Variants in ROBO2 observed in about 807,000 individuals in gnomAD.
ROBO2 encodes roundabout guidance receptor 2, also known as roundabout homolog 2.
In ROBO2, 53 loss-of-function variants were observed where a neutral mutation model predicts 160.8. The ratio of observed to expected loss-of-function variants is 0.33; its 90% CI spans 0.26 to 0.41. ROBO2 has a LOEUF of 0.41. Ranked by LOEUF, ROBO2 falls within the 10% of genes least tolerant of loss-of-function variation. The pLI is 1.00. For missense variants in ROBO2, 1,577 were observed against 1,722.4 expected, an observed-to-expected ratio of 0.92 and a Z score of 1.49; for synonymous variants, 664 against 611.7, an observed-to-expected ratio of 1.09 and a Z score of -1.26.
At chr3:76,600,878 C>T (rs2108941272) in intron 2 of ROBO2, among the ~76,000 whole-genome samples, 1 of 152,284 alleles carries the variant, frequency 6.6e-6, no homozygotes, top group African/African-American at 2.4e-5. Flanking sequence ...AAAGTCTCAT[C>T]TGAAACAAGG....
chr3:77,245,112 C>G (rs2089573353), intron 2 of ROBO2, among the ~76,000 whole-genome samples: 1 of 152,064 alleles, frequency 6.6e-6, no homozygotes, highest in Non-Finnish European at 1.5e-5. Flanking sequence ...AGTTGGGTGT[C>G]TCATTGGAAT....
rs540209638 is a variant in ROBO2 at position 76,344,802 on chromosome 3, T to A, written c.109+407200T>A. Among the ~76,000 whole-genome samples the A allele has an allele frequency of 2.0e-5, 3 of 152,290 alleles. No individual in the cohort carries two copies. The South Asian group carries it at 6.2e-4, about 32-fold the overall frequency. Reference sequence around the variant, plus strand: ...GAAAAACCAGAGTAAAGTCAAGAATTTGGGAAATATCTAGATGTGATAATA... The same window carrying A: ...GAAAAACCAGAGTAAAGTCAAGAATATGGGAAATATCTAGATGTGATAATA... On this transcript the variant is annotated intron_variant, in intron 2 of 26. Transcript: ENST00000487694.
At chr3:76,579,802 A>G (rs2085539399) in intron 2 of ROBO2, among the ~76,000 whole-genome samples, 2 of 151,254 alleles carry the variant, frequency 1.3e-5, no homozygotes, top group South Asian at 2.1e-4. Context: ...AAAAAAAAAA[A>G]AAGAAAGAAA....
intron 2 of ROBO2, among the ~76,000 whole-genome samples, chr3:76,180,513 CT>C (rs1315966089): frequency 2.6e-5 from 4 of 152,168 alleles, no homozygotes; most frequent in South Asian, 4.1e-4. Context: ...CAAGTAGAAA[CT>C]TTGGTATCTT....
At chr3:76,898,651 A>C (rs2074997111) in intron 2 of ROBO2, among the ~76,000 whole-genome samples, 1 of 152,088 alleles carries the variant, frequency 6.6e-6, no homozygotes, top group Non-Finnish European at 1.5e-5. Flanking sequence ...ACCGACCCCC[A>C]TAAATTCATT....
At chr3:77,248,353 G>C (rs1409353370) in intron 2 of ROBO2, among the ~76,000 whole-genome samples, 1 of 151,970 alleles carries the variant, frequency 6.6e-6, no homozygotes, top group African/African-American at 2.4e-5. Flanking sequence ...CTGTCACACT[G>C]ACCCTCCGCT....
intron 2 of ROBO2, among the ~76,000 whole-genome samples, chr3:77,465,217 T>C (rs1438284729): frequency 1.3e-5 from 2 of 152,192 alleles, no homozygotes; most frequent in Non-Finnish European, 2.9e-5. Context: ...TTTAGTAATA[T>C]GGCATAATGA....
intron 2 of ROBO2, among the ~76,000 whole-genome samples, chr3:76,044,857 A>G (rs1232538789): frequency 3.3e-5 from 5 of 152,034 alleles, no homozygotes; most frequent in African/African-American, 1.2e-4. Context: ...CTGCATTTCA[A>G]CTGGGACCTA....
chr3:77,537,090 C>T (rs1483195984), intron 6 of ROBO2, among the ~76,000 whole-genome samples: 1 of 82,754 alleles, frequency 1.2e-5, no homozygotes, highest in Non-Finnish European at 2.4e-5. Context: ...AAAACATATA[C>T]ATATTTTGTG....
At chr3:76,191,578 T>C (rs1327988599) in intron 2 of ROBO2, among the ~76,000 whole-genome samples, 1 of 152,164 alleles carries the variant, frequency 6.6e-6, no homozygotes, top group Non-Finnish European at 1.5e-5. Context: ...TTTTTATTCA[T>C]TCATTCATCC....
chr3:76,687,343 A>G (rs2092706525), intron 2 of ROBO2, among the ~76,000 whole-genome samples: 1 of 152,062 alleles, frequency 6.6e-6, no homozygotes, highest in East Asian at 1.9e-4. Flanking sequence ...GAATTAAATG[A>G]GTTAATATAT....
chr3:77,430,932 A>G (rs142674328), intron 2 of ROBO2, among the ~76,000 whole-genome samples: 78 of 152,282 alleles, frequency 5.1e-4, no homozygotes, highest in African/African-American at 1.6e-3. Flanking sequence ...TCTGCAGTCT[A>G]GCCATGGTTT....
chr3:77,303,036 TTAATTA>T (rs2062792332), intron 2 of ROBO2, among the ~76,000 whole-genome samples: 1 of 152,304 alleles, frequency 6.6e-6, no homozygotes, highest in East Asian at 1.9e-4. Flanking sequence ...CACATCAGCT[TTAATTA>T]TAATCAATCC....
At chr3:75,997,499 C>CTTTTTTTTTTTTTTTTT (rs56890342) in intron 2 of ROBO2, among the ~76,000 whole-genome samples, 5 of 126,520 alleles carry the variant, frequency 4.0e-5, no homozygotes, top group East Asian at 2.5e-4. Flanking sequence ...TTCATCCATT[C>CTTTTTTTTTTTTTTTTT]TTTTTTTTTT....
rs142014109 is a variant in ROBO2, at chr3:76,373,911, C to A, written c.109+436309C>A. 9.8e-3 allele frequency among the ~76,000 whole-genome samples: 1,485 copies of A among 151,956 alleles called. 23 individuals carry two copies. The highest frequency in any genetic ancestry group is 0.034 in the African/African-American group (1,418 of 41,476). On this transcript the variant is annotated intron_variant, in intron 2 of 26. Coordinates refer to the ROBO2 transcript ENST00000487694. Reference sequence around the variant, plus strand: ...ATGATATCTGAAATGGTCTTATTGTCACAGCTGATGTTTCTCTCTCTACTA... The same window carrying A: ...ATGATATCTGAAATGGTCTTATTGTAACAGCTGATGTTTCTCTCTCTACTA...
At chr3:76,271,843 C>T (rs745916039) in intron 2 of ROBO2, among the ~76,000 whole-genome samples, 36 of 152,018 alleles carry the variant, frequency 2.4e-4, no homozygotes, top group Non-Finnish European at 4.4e-4. Context: ...AAATCAGACT[C>T]GATAAATACT....
chr3:76,071,164 C>A (rs556700027), intron 2 of ROBO2, among the ~76,000 whole-genome samples: 10 of 152,178 alleles, frequency 6.6e-5, no homozygotes, highest in African/African-American at 2.4e-4. Flanking sequence ...AGATAAACAT[C>A]AACTGGTTCT....
intron 2 of ROBO2, among the ~76,000 whole-genome samples, chr3:76,313,199 T>C (rs2071722223): frequency 6.6e-6 from 1 of 152,242 alleles, no homozygotes; most frequent in African/African-American, 2.4e-5. Context: ...AATTATTTCC[T>C]TTTTAGTGCC....
intron 2 of ROBO2, among the ~76,000 whole-genome samples, chr3:76,192,060 CT>C (rs1322150439): frequency 6.6e-6 from 1 of 152,082 alleles, no homozygotes; most frequent in East Asian, 1.9e-4. Context: ...CTTCGATTGG[CT>C]TACAAATCCC....
Sources: gnomAD v4.1 joint callset for allele counts (sites outside exome capture counted in the v4.1 genomes callset) on GRCh38, gnomAD v4.1.1 for gene constraint, MANE v1.5 for transcripts, NCBI Gene and HGNC (gene_info 2026-07-23, HGNC 2026-07-21) for gene names.